The following NCOA5 variants were observed in gnomAD, a reference collection of about 807,000 sequenced individuals.
The protein encoded by NCOA5 is nuclear receptor coactivator 5, also known as NCoA-5.
NCOA5 carries 12 observed loss-of-function variants against 59.0 expected under a neutral mutation model. The observed-to-expected ratio is 0.20, with a 90% confidence interval of 0.13 to 0.33. The LOEUF (loss-of-function observed/expected upper bound fraction) is 0.33, where lower values mean the gene tolerates loss of function less well. Among genes scored for constraint, NCOA5 ranks in the 10% least tolerant of loss-of-function variants. The pLI is 1.00. For missense variants in NCOA5, 655 were observed against 766.6 expected (o/e 0.85, Z 1.72); for synonymous variants, 270 against 275.5 (o/e 0.98, Z 0.20).
chr20:46,083,385 T>C (rs2085012849), intron 1 of NCOA5, among the ~76,000 whole-genome samples: 1 of 152,166 alleles, frequency 6.6e-6, no homozygotes, highest in South Asian at 2.1e-4. Flanking sequence ...TTTTGCTCCT[T>C]GTCTCTGCTT....
intron 4 of NCOA5, among the ~76,000 whole-genome samples, chr20:46,067,694 G>T (rs899081342): frequency 1.3e-5 from 2 of 151,888 alleles, no homozygotes; most frequent in African/African-American, 4.8e-5. Flanking sequence ...GATTCTTAAA[G>T]ATTTCAACTT....
At chr20:46,084,401 A>C (rs2085025327) in intron 1 of NCOA5, among the ~76,000 whole-genome samples, 1 of 152,166 alleles carries the variant, frequency 6.6e-6, no homozygotes, top group Non-Finnish European at 1.5e-5. Flanking sequence ...AACCTGGAAA[A>C]GGTCCAGTCT....
In NCOA5 at chr20:46,062,293, T is replaced by C. The variant is rs780157447; in HGVS notation, c.*7A>G. The C allele has an allele frequency of 1.9e-6, 3 of 1,607,264 alleles. No individual in the cohort carries two copies. The highest frequency in any genetic ancestry group is 2.6e-6 in the Non-Finnish European group (3 of 1,175,704). On this transcript the variant is annotated 3_prime_UTR_variant, in exon 8 of 8. Coordinates refer to ENST00000290231, the MANE Select transcript of NCOA5 (RefSeq NM_020967.3). ...GAGGGGACTGGGGAGAGTTGAAAGA[T>C]TTAGCTTCAGTAATGCCTCTGGTAA...
At chr20:46,083,921 T>C (rs1779428194) in intron 1 of NCOA5, among the ~76,000 whole-genome samples, 1 of 152,224 alleles carries the variant, frequency 6.6e-6, no homozygotes. Flanking sequence ...ATGTTATGCT[T>C]GCTCTTTCTA....
intron 6 of NCOA5, 113 bp downstream of exon 6, chr20:46,064,916 A>G (rs1761564791): frequency 1.0e-6 from 1 of 985,718 alleles, no homozygotes; most frequent in African/African-American, 1.6e-5. Flanking sequence ...GAGGGGCCCT[A>G]CCATATATGA....
chr20:46,075,352 T>A (rs887227392), intron 2 of NCOA5, among the ~76,000 whole-genome samples: 3 of 152,168 alleles, frequency 2.0e-5, no homozygotes, highest in Non-Finnish European at 4.4e-5. Context: ...AATTTCTTTG[T>A]GGCCCACCTA....
intron 2 of NCOA5, among the ~76,000 whole-genome samples, chr20:46,071,842 T>C (rs925999053): frequency 6.6e-6 from 1 of 152,238 alleles, no homozygotes; most frequent in Non-Finnish European, 1.5e-5. Flanking sequence ...TCTCTTCTGC[T>C]CAGCTCAGGG....
Position 46,077,263 on chromosome 20 carries a change from G to A in NCOA5, c.38+2124C>T, listed in dbSNP as rs140281289. On this transcript the variant is annotated intron_variant, in intron 2 of 7. Transcript: ENST00000290231. ...GTGCTGTCTGTATGTTTGTTTGTGCGGGGACTATTATTTAAAAAAAGCATA... is the reference window on the plus strand; with the variant it reads ...GTGCTGTCTGTATGTTTGTTTGTGCAGGGACTATTATTTAAAAAAAGCATA... Among the ~76,000 whole-genome samples the A allele has an allele frequency of 1.2e-3, 187 of 152,130 alleles. 1 individual carries two copies. The highest frequency in any genetic ancestry group is 4.0e-3 in the African/African-American group (167 of 41,526).
At chr20:46,069,549 A>C (rs1402411959) in intron 3 of NCOA5, among the ~76,000 whole-genome samples, 1 of 152,230 alleles carries the variant, frequency 6.6e-6, no homozygotes, top group Admixed American at 6.5e-5. Flanking sequence ...CAGCCTGGGC[A>C]ACACAGTGAG....
rs749322933 is a variant in NCOA5 at position 46,063,502 on chromosome 20, C to G, written c.1008G>C (p.Gly336=). 6.2e-7 allele frequency: 1 copy of G among 1,614,168 alleles called. No homozygotes were observed. The highest frequency in any genetic ancestry group is 8.5e-7 in the Non-Finnish European group (1 of 1,180,022). ...ERGGPEEGVR[G]GHPPAIQSLI... Reference sequence around the variant, plus strand: ...GGCTCTGGATGGCTGGAGGGTGGCCCCCACGCACTCCCTCCTCAGGGCCTC... The same window carrying G: ...GGCTCTGGATGGCTGGAGGGTGGCCGCCACGCACTCCCTCCTCAGGGCCTC... Residue 336 remains glycine (G), a synonymous_variant, in exon 7 of 8, where the codon GGG becomes GGC. Coordinates refer to ENST00000290231, the MANE Select transcript of NCOA5 (RefSeq NM_020967.3).
intron 2 of NCOA5, among the ~76,000 whole-genome samples, chr20:46,077,877 G>A (rs79572583): frequency 0.018 from 2,718 of 152,314 alleles, 123 homozygotes; most frequent in Admixed American, 0.1. Flanking sequence ...ATGGTTAGAT[G>A]AAGGCTAATG....
At chr20:46,084,613 G>C (rs2085027645) in intron 1 of NCOA5, among the ~76,000 whole-genome samples, 1 of 152,136 alleles carries the variant, frequency 6.6e-6, no homozygotes, top group Non-Finnish European at 1.5e-5. Context: ...AGGGCATTTG[G>C]CTGGGGATAG....
intron 1 of NCOA5, among the ~76,000 whole-genome samples, chr20:46,082,640 A>G (rs1250830386): frequency 6.6e-6 from 1 of 152,204 alleles, no homozygotes; most frequent in African/African-American, 2.4e-5. Context: ...TTATACTAGC[A>G]ATGTGAATGC....
chr20:46,074,325 T>C (rs1236078830), intron 2 of NCOA5, among the ~76,000 whole-genome samples: 2 of 152,158 alleles, frequency 1.3e-5, no homozygotes, highest in Non-Finnish European at 2.9e-5. Context: ...GGACCTCAGA[T>C]GATAAGTGGG....
Position 46,063,700 on chromosome 20 carries a change from G to T in NCOA5, c.830-20C>A. On this transcript the variant is annotated intron_variant, in intron 6 of 7. Coordinates refer to ENST00000290231, the MANE Select transcript of NCOA5 (RefSeq NM_020967.3). ...GATGCTCTGTAGGAGGAAATGACAT[G>T]AGTTATTTTCTTCCATGACATATTT... is the stretch of plus-strand genomic sequence containing the variant. 1 of 1,603,018 alleles carries T rather than the reference G, an allele frequency of 6.2e-7. No homozygotes were observed. Among genetic ancestry groups the T allele is most frequent in the South Asian group, 1.1e-5 (1 of 90,446 alleles).
chr20:46,079,756 G>A (rs562063892), intron 1 of NCOA5, among the ~76,000 whole-genome samples: 1 of 152,300 alleles, frequency 6.6e-6, no homozygotes, highest in African/African-American at 2.4e-5. Flanking sequence ...TCCCTCCAAG[G>A]GGAGGAAAAG....
At chr20:46,080,103 G>C (rs2084976357) in intron 1 of NCOA5, among the ~76,000 whole-genome samples, 1 of 152,162 alleles carries the variant, frequency 6.6e-6, no homozygotes. Flanking sequence ...GTTTGGTATA[G>C]TAGGGTTAGG....
intron 1 of NCOA5, among the ~76,000 whole-genome samples, chr20:46,083,674 T>C (rs983761683): frequency 6.6e-6 from 1 of 152,214 alleles, no homozygotes; most frequent in Admixed American, 6.5e-5. Flanking sequence ...AAAGGCTTAG[T>C]TGAAAACCAA....
At chr20:46,085,009 C>T (rs1458820652) in intron 1 of NCOA5, among the ~76,000 whole-genome samples, 3 of 152,174 alleles carry the variant, frequency 2.0e-5, no homozygotes, top group African/African-American at 7.2e-5. Context: ...GGAAATGACA[C>T]AGCTAAAGTC....
Sources: gnomAD v4.1 joint callset for allele counts (sites outside exome capture counted in the v4.1 genomes callset) on GRCh38, gnomAD v4.1.1 for gene constraint, MANE v1.5 for transcripts, NCBI Gene and HGNC (gene_info 2026-07-23, HGNC 2026-07-21) for gene names.